AASS: variants seen among roughly 807,000 people sequenced by gnomAD.
The protein encoded by AASS is aminoadipate-semialdehyde synthase.
A neutral mutation model predicts 105.4 loss-of-function variants in AASS; 86 were observed. That is an observed-to-expected ratio of 0.82 (90% CI 0.69 to 0.98). The LOEUF (loss-of-function observed/expected upper bound fraction) is 0.98. AASS is among the 50% of genes least tolerant of loss of function. The probability of loss-of-function intolerance (pLI) is 0.00; values close to 1 mark genes in which losing one functional copy is unlikely to be tolerated. For synonymous variants in AASS, 381 were observed against 394.8 expected, an observed-to-expected ratio of 0.96 and a Z score of 0.41; for missense variants, 1,048 against 1,143.2, an observed-to-expected ratio of 0.92 and a Z score of 1.20.
chr7:122,085,089 G>T (rs1034343502), intron 19 of AASS, among the ~76,000 whole-genome samples: 1 of 152,094 alleles, frequency 6.6e-6, no homozygotes, highest in Non-Finnish European at 1.5e-5. Flanking sequence ...CCAATGACTA[G>T]TGCCCTAATA....
chr7:122,136,585 A>C (rs952838349), intron 1 of AASS, among the ~76,000 whole-genome samples: 2 of 152,226 alleles, frequency 1.3e-5, no homozygotes, highest in Non-Finnish European at 2.9e-5. Flanking sequence ...TCGAAGCCAA[A>C]AGAAAAACTA....
chr7:122,076,129 G>A lies in AASS; in HGVS notation c.*360C>T, dbSNP rs111862286. Reference sequence around the variant, plus strand: ...GCGGAGCTTGCAGTGAGCCGAGATCGCGCCACTGCACTCCAGCCTGGGTGA... The same window carrying A: ...GCGGAGCTTGCAGTGAGCCGAGATCACGCCACTGCACTCCAGCCTGGGTGA... On this transcript the variant is annotated 3_prime_UTR_variant, in exon 24 of 24. Coordinates refer to ENST00000417368, the MANE Select transcript of AASS (RefSeq NM_005763.4). The A allele has an allele frequency of 3.2e-3, 730 of 226,276 alleles. 7 individuals carry two copies. Among genetic ancestry groups the A allele is most frequent in the African/African-American group, 0.016 (672 of 42,404 alleles). The allele number at this position is 226,276 out of a possible 1,614,324, so 14.0% of individuals were successfully genotyped here. A position where few individuals can be genotyped will look rare whatever the true frequency, so the allele number is the denominator to read the frequency against.
intron 1 of AASS, among the ~76,000 whole-genome samples, chr7:122,141,588 A>G (rs1584911757): frequency 6.6e-6 from 1 of 151,856 alleles, no homozygotes; most frequent in East Asian, 1.9e-4. Context: ...CTATGCAGCA[A>G]GAAAACAAAC....
chr7:122,143,096 G>T (rs1204435233), intron 1 of AASS, among the ~76,000 whole-genome samples: 1 of 152,076 alleles, frequency 6.6e-6, no homozygotes, highest in Non-Finnish European at 1.5e-5. Flanking sequence ...AAGAAGAGGG[G>T]AGTGCAGGGG....
chr7:122,080,732 A>ATATAC lies in AASS; in HGVS notation c.2280+763_2280+767dup, dbSNP rs573066955. On this transcript the variant is annotated intron_variant, in intron 20 of 23. Transcript: ENST00000417368. ...AAAATATATCATGTCCTCCATAAATATATACACCTACTATGTACCCATAAA... is the reference window on the plus strand; with the variant it reads ...AAAATATATCATGTCCTCCATAAATATATACTATACACCTACTATGTACCCATAAA... Among the ~76,000 whole-genome samples, 160 of 152,340 alleles carry ATATAC rather than the reference A, an allele frequency of 1.1e-3. 1 individual carries two copies. The highest frequency in any genetic ancestry group is 2.0e-3 in the Non-Finnish European group (138 of 68,034).
chr7:122,101,540 G>C (rs985264169), intron 12 of AASS, 81 bp downstream of exon 12: 2 of 1,478,278 alleles, frequency 1.4e-6, no homozygotes, highest in Admixed American at 1.7e-5. Context: ...CAAAGATGGA[G>C]AGAGAGAGAA....
chr7:122,101,406 A>T lies in AASS; in HGVS notation c.1371T>A (p.Asp457Glu). Reference sequence around the variant, plus strand: ...GGAGTGTCTGGATATATTTATATTTATCAGGTAATGTACCGTTGGATGTAA... The same window carrying T: ...GGAGTGTCTGGATATATTTATATTTTTCAGGTAATGTACCGTTGGATGTAA... ...AVITSNGTLP[D>E]KYKYIQTLRE... The change falls in exon 13 of 24, where the codon GAT becomes GAA. Residue 457 changes from aspartate to glutamate, a missense_variant. Transcript: ENST00000417368. 6.2e-7 allele frequency: 1 copy of T among 1,610,412 alleles called. No individual in the cohort carries two copies. The highest frequency in any genetic ancestry group is 8.5e-7 in the Non-Finnish European group (1 of 1,177,190).
Position 122,118,648 on chromosome 7 carries a change from CAA to C in AASS, c.473-20_473-19del. The C allele has an allele frequency of 6.2e-7, 1 of 1,610,802 alleles. No individual in the cohort carries two copies. The highest frequency in any genetic ancestry group is 8.5e-7 in the Non-Finnish European group (1 of 1,177,966). Reference sequence around the variant, plus strand: ...GATCATTCCTGTTACAGAATCAGACCAATAGAAAGACTATTAGTTGGGAAGAA... The same window carrying C: ...GATCATTCCTGTTACAGAATCAGACCTAGAAAGACTATTAGTTGGGAAGAA... On this transcript the variant is annotated intron_variant, in intron 4 of 23. Coordinates refer to ENST00000417368, the MANE Select transcript of AASS (RefSeq NM_005763.4).
In AASS at chr7:122,108,133, T is replaced by C. The variant is rs751373112; in HGVS notation, c.1278+4985A>G. ...GATTGAACCAGAAAAAAATAAACAA[T>C]CTGAATAGGCGAATCGATAACAAGC... is the stretch of plus-strand genomic sequence containing the variant. On this transcript the variant is annotated intron_variant, in intron 11 of 23. Coordinates refer to ENST00000417368, the MANE Select transcript of AASS (RefSeq NM_005763.4). 3.3e-5 allele frequency among the ~76,000 whole-genome samples: 5 copies of C among 151,918 alleles called. No homozygotes were observed. The East Asian group carries it at 9.7e-4, about 29-fold the overall frequency.
chr7:122,111,708 C>T (rs936735431), intron 11 of AASS, among the ~76,000 whole-genome samples: 2 of 152,020 alleles, frequency 1.3e-5, no homozygotes, highest in Admixed American at 1.3e-4. Flanking sequence ...TCAAGACCAG[C>T]CTGGCCAACA....
intron 23 of AASS, 44 bp downstream of exon 23, chr7:122,077,794 A>G: frequency 1.2e-6 from 2 of 1,611,654 alleles, no homozygotes; most frequent in Middle Eastern, 3.3e-4. Flanking sequence ...AATGGCTTGG[A>G]GGTGAAACAG....
At chr7:122,101,572 T>A (rs532321337) in intron 12 of AASS, 49 bp downstream of exon 12, 1 of 1,533,002 alleles carries the variant, frequency 6.5e-7, no homozygotes, top group South Asian at 1.1e-5. Flanking sequence ...AGAGCAAAAA[T>A]GGTAGTAAAA....
intron 17 of AASS, among the ~76,000 whole-genome samples, chr7:122,092,554 A>T (rs888344039): frequency 6.6e-6 from 1 of 151,990 alleles, no homozygotes. Context: ...GAGAAACCCC[A>T]TCTCTACTAA....
At chr7:122,082,966 TC>T in intron 19 of AASS, 1 of 929,052 alleles carries the variant, frequency 1.1e-6, no homozygotes. Context: ...AATGGTTTAT[TC>T]CCCAGTGTGC....
intron 1 of AASS, among the ~76,000 whole-genome samples, chr7:122,134,309 A>C (rs1376735885): frequency 1.3e-5 from 2 of 152,194 alleles, no homozygotes; most frequent in African/African-American, 2.4e-5. Context: ...ACTGGTTCAC[A>C]ATTAGATGTG....
intron 1 of AASS, among the ~76,000 whole-genome samples, chr7:122,142,963 G>A (rs1385249620): frequency 6.6e-6 from 1 of 152,142 alleles, no homozygotes; most frequent in Admixed American, 6.5e-5. Flanking sequence ...TATCTGAAGA[G>A]TGGGAAAATG....
At chr7:122,124,509 T>C (rs1300715727) in intron 4 of AASS, among the ~76,000 whole-genome samples, 1 of 152,192 alleles carries the variant, frequency 6.6e-6, no homozygotes, top group Non-Finnish European at 1.5e-5. Flanking sequence ...TCTTGAACTC[T>C]GGACCTCAGG....
At chr7:122,099,314 G>T (rs1794322558) in intron 13 of AASS, among the ~76,000 whole-genome samples, 1 of 151,788 alleles carries the variant, frequency 6.6e-6, no homozygotes, top group African/African-American at 2.4e-5. Flanking sequence ...AACAATTTGA[G>T]GAAGAGAATA....
rs780710553 is a variant in AASS at position 122,133,605 on chromosome 7, G to A, written c.122C>T (p.Pro41Leu). 37 of 1,613,972 alleles carry A rather than the reference G, an allele frequency of 2.3e-5. No homozygotes were observed. The highest frequency in any genetic ancestry group is 9.3e-5 in the African/African-American group (7 of 74,886). ...GCCTTTGATGTGCTTGGGAGCTAGC[G>A]GGGCCCTTCTCTCCCAGGCGTTCAC... ...EDVNAWERRAPLAPKHIKGIT... is the reference protein window; with the variant it reads ...EDVNAWERRALLAPKHIKGIT... Residue 41 changes from proline to leucine, a missense_variant, in exon 2 of 24, where the codon CCG becomes CTG. Transcript: ENST00000417368.
Sources: allele counts gnomAD v4.1 joint callset (sites outside exome capture counted in the v4.1 genomes callset), GRCh38; gene constraint gnomAD v4.1.1; transcripts MANE v1.5; gene names NCBI Gene and HGNC (gene_info 2026-07-23, HGNC 2026-07-21).